ARMC9: variants seen among roughly 807,000 people sequenced by gnomAD.
ARMC9 encodes the protein lisH domain-containing protein ARMC9.
Under a neutral mutation model 107.0 loss-of-function variants are expected in ARMC9, and 94 were observed. The ratio of observed to expected loss-of-function variants is 0.88; its 90% CI spans 0.74 to 1.04. The LOEUF is 1.04. ARMC9 is among the 50% of genes least tolerant of loss of function. The pLI is 0.00. For missense variants in ARMC9, 942 were observed against 1,030.1 expected (o/e 0.91, Z 1.17); for synonymous variants, 380 against 396.9 (o/e 0.96, Z 0.51).
At chr2:231,332,802 C>G (rs1188534347) in intron 20 of ARMC9, among the ~76,000 whole-genome samples, 1 of 152,132 alleles carries the variant, frequency 6.6e-6, no homozygotes, top group Non-Finnish European at 1.5e-5. Context: ...TGTGGGACAG[C>G]TGAGCACATA....
At chr2:231,285,727 C>T (rs1449858247) in intron 17 of ARMC9, among the ~76,000 whole-genome samples, 1 of 152,144 alleles carries the variant, frequency 6.6e-6, no homozygotes, top group Admixed American at 6.5e-5. Flanking sequence ...GAGGAACCCC[C>T]TTTTAGCCTG....
intron 23 of ARMC9, among the ~76,000 whole-genome samples, chr2:231,363,919 C>T (rs1327748627): frequency 6.7e-6 from 1 of 149,948 alleles, no homozygotes; most frequent in African/African-American, 2.4e-5. Context: ...AAGCCCAGAC[C>T]CTACAATCAT....
At position 231,360,382 on chromosome 2, in the gene ARMC9, T is replaced by G. The variant is rs2045519344; in HGVS notation, c.2132-372T>G. 6.6e-6 allele frequency among the ~76,000 whole-genome samples: 1 copy of G among 152,164 alleles called. No homozygotes were observed. ...AAAACTACACACCACCCAGTTACAT[T>G]TGAGTTTCAGATAAGCAAATGGGCC... On this transcript the variant is annotated intron_variant, in intron 22 of 24. Transcript: ENST00000611582. The surrounding 1 kb of genome is among the most constrained non-coding windows in gnomAD (Gnocchi z 4.7).
At chr2:231,257,594 T>A (rs2037950100) in intron 10 of ARMC9, among the ~76,000 whole-genome samples, 1 of 152,220 alleles carries the variant, frequency 6.6e-6, no homozygotes, top group South Asian at 2.1e-4. Flanking sequence ...CTGCACAGAC[T>A]GCTAGGGTTA....
At chr2:231,251,779 G>A (rs764911671) in intron 9 of ARMC9, among the ~76,000 whole-genome samples, 6 of 151,986 alleles carry the variant, frequency 3.9e-5, no homozygotes, top group African/African-American at 1.2e-4. Flanking sequence ...AGGCTGCACC[G>A]CAGTGGTACA....
chr2:231,248,566 T>C (rs1438177860), intron 9 of ARMC9, among the ~76,000 whole-genome samples: 2 of 152,010 alleles, frequency 1.3e-5, no homozygotes, highest in Non-Finnish European at 2.9e-5. Context: ...TCCCAGCCTT[T>C]GGGAGGCCGA....
At chr2:231,349,479 C>CA (rs943669805) in intron 21 of ARMC9, among the ~76,000 whole-genome samples, 9 of 151,552 alleles carry the variant, frequency 5.9e-5, no homozygotes, top group Admixed American at 1.3e-4. Flanking sequence ...TTAATGGTGC[C>CA]AAAAAAACAC....
At chr2:231,298,474 G>T (rs2041519676) in intron 19 of ARMC9, among the ~76,000 whole-genome samples, 1 of 152,214 alleles carries the variant, frequency 6.6e-6, no homozygotes, top group South Asian at 2.1e-4. Context: ...TTGGAATGTG[G>T]TTATCACTTC....
At chr2:231,340,122 C>G (rs547242711) in intron 20 of ARMC9, among the ~76,000 whole-genome samples, 4 of 152,280 alleles carry the variant, frequency 2.6e-5, no homozygotes, top group African/African-American at 7.2e-5. Flanking sequence ...CTGGCAGAAC[C>G]TAAATGCTTT....
rs931435967 is a variant in ARMC9, at chr2:231,376,293, C to T, written c.*4758C>T. Among the ~76,000 whole-genome samples the T allele has an allele frequency of 5.3e-5, 8 of 152,172 alleles. No homozygotes were observed. Among genetic ancestry groups the T allele is most frequent in the Middle Eastern group, 6.8e-3 (2 of 294 alleles). ...AAACTCTGACCACTGGTGAGTCGGG[C>T]GGAACAGAGCCATATTTCTCTTCTT... On this transcript the variant is annotated 3_prime_UTR_variant, in exon 25 of 25. Transcript: ENST00000611582.
At chr2:231,202,655 G>T (rs2031252165) in intron 1 of ARMC9, among the ~76,000 whole-genome samples, 1 of 151,918 alleles carries the variant, frequency 6.6e-6, no homozygotes, top group Non-Finnish European at 1.5e-5. Flanking sequence ...CTGTGTCTTT[G>T]CTCAGCACCC....
At chr2:231,204,003 A>G (rs1273673418) in intron 1 of ARMC9, among the ~76,000 whole-genome samples, 1 of 151,394 alleles carries the variant, frequency 6.6e-6, no homozygotes, top group African/African-American at 2.4e-5. Flanking sequence ...AAACCAAACA[A>G]ATGAAAAAAC....
At chr2:231,281,964 C>T (rs2040247185) in intron 16 of ARMC9, 95 bp from the exon 17 acceptor site, 1 of 1,208,748 alleles carries the variant, frequency 8.3e-7, no homozygotes, top group African/African-American at 1.5e-5. Context: ...CCCACTCTCC[C>T]CATTTGCCAG....
intron 16 of ARMC9, 131 bp from the exon 17 acceptor site, chr2:231,281,928 A>G: frequency 1.3e-6 from 1 of 794,360 alleles, no homozygotes; most frequent in South Asian, 1.6e-5. Context: ...ATCCTGGAGC[A>G]CAGGAGAGCT....
At chr2:231,265,668 C>G (rs377587013) in intron 12 of ARMC9, among the ~76,000 whole-genome samples, 1 of 151,720 alleles carries the variant, frequency 6.6e-6, no homozygotes, top group African/African-American at 2.4e-5. Context: ...TAAGAACCAC[C>G]TATAACCCAG....
chr2:231,368,842 C>A (rs140659298), intron 23 of ARMC9, among the ~76,000 whole-genome samples: 3 of 152,064 alleles, frequency 2.0e-5, no homozygotes. Flanking sequence ...CCAGGCTGGT[C>A]GCGAACTCCT....
At chr2:231,304,868 A>G (rs189607579) in intron 19 of ARMC9, among the ~76,000 whole-genome samples, 2 of 152,364 alleles carry the variant, frequency 1.3e-5, no homozygotes, top group Admixed American at 6.5e-5. Flanking sequence ...TTGCTGACAA[A>G]TACTATTGGT....
At chr2:231,341,404 C>G (rs917424612) in intron 20 of ARMC9, among the ~76,000 whole-genome samples, 2 of 152,186 alleles carry the variant, frequency 1.3e-5, no homozygotes, top group Non-Finnish European at 2.9e-5. Context: ...TGAAGCTCCA[C>G]TTGGTGACCT....
intron 10 of ARMC9, among the ~76,000 whole-genome samples, chr2:231,257,635 T>C (rs6711312): frequency 0.44 from 66,325 of 152,068 alleles, 17,947 homozygotes; most frequent in African/African-American, 0.77. Flanking sequence ...TCCCTGTGAC[T>C]GGGGATTACT....
Sources: allele counts gnomAD v4.1 joint callset (sites outside exome capture counted in the v4.1 genomes callset), GRCh38; gene constraint gnomAD v4.1.1; non-coding constraint Gnocchi (gnomAD v3.1); transcripts MANE v1.5; gene names NCBI Gene and HGNC (gene_info 2026-07-23, HGNC 2026-07-21).